GALNT3: variants seen among roughly 807,000 people sequenced by gnomAD.
GALNT3 encodes the protein polypeptide N-acetylgalactosaminyltransferase 3.
Under a neutral mutation model 69.8 loss-of-function variants are expected in GALNT3, and 51 were observed. The ratio of observed to expected loss-of-function variants is 0.73; its 90% CI spans 0.58 to 0.92. GALNT3 has a LOEUF of 0.92. Among genes scored for constraint, GALNT3 ranks in the 40% least tolerant of loss-of-function variants. The pLI, the probability that GALNT3 is intolerant of heterozygous loss-of-function variation, is 0.00. For missense variants in GALNT3, 711 were observed against 760.0 expected (o/e 0.94, Z 0.76); for synonymous variants, 265 against 248.5 (o/e 1.07, Z -0.63).
chr2:165,788,934 C>G (rs556836634), intron 1 of GALNT3, among the ~76,000 whole-genome samples: 1 of 152,128 alleles, frequency 6.6e-6, no homozygotes, highest in African/African-American at 2.4e-5. Flanking sequence ...AAAGATCATC[C>G]TCATCCTCCA....
chr2:165,779,675 T>A (rs2105224181), intron 1 of GALNT3, among the ~76,000 whole-genome samples: 1 of 152,200 alleles, frequency 6.6e-6, no homozygotes, highest in South Asian at 2.1e-4. Flanking sequence ...AGAAGAAAAT[T>A]GTTAACATAT....
rs1450295598 is a variant in GALNT3 at position 165,762,018 on chromosome 2, T to C, written c.725A>G (p.Gln242Arg). Residue 242 changes from glutamine to arginine, a missense_variant, in exon 4 of 11, where the codon CAA becomes CGA. Physicochemically the swap from Gln to Arg is conservative, Grantham distance 43. Coordinates refer to ENST00000392701, the MANE Select transcript of GALNT3 (RefSeq NM_004482.4). ...TCTGACTATTTTTACTATAGAAAAT[T>C]GTTTTACATATTCATCTAGTTTATC... The part of the protein sequence containing the change: ...LHDKLDEYVK[Q>R]FSIVKIVRQR... The C allele has an allele frequency of 1.3e-6, 2 of 1,594,638 alleles. No homozygotes were observed. Among genetic ancestry groups the C allele is most frequent in the Non-Finnish European group, 1.7e-6 (2 of 1,162,464 alleles).
chr2:165,785,790 G>T (rs553000993), intron 1 of GALNT3, among the ~76,000 whole-genome samples: 1 of 152,102 alleles, frequency 6.6e-6, no homozygotes, highest in African/African-American at 2.4e-5. Flanking sequence ...GCAACAGTCC[G>T]AACAGGGGCA....
chr2:165,786,817 G>C (rs1423542517), intron 1 of GALNT3, among the ~76,000 whole-genome samples: 1 of 152,142 alleles, frequency 6.6e-6, no homozygotes, highest in Non-Finnish European at 1.5e-5. Flanking sequence ...TTAAAATAGG[G>C]AGGAAAATAG....
chr2:165,762,020 T>C lies in GALNT3; in HGVS notation c.723A>G (p.Lys241=), dbSNP rs760149522. The part of the protein sequence containing the change: ...YLHDKLDEYV[K]QFSIVKIVRQ... ...TGACTATTTTTACTATAGAAAATTG[T>C]TTTACATATTCATCTAGTTTATCAT... The change falls in exon 4 of 11, where the codon AAA becomes AAG. Residue 241 remains lysine (K), a synonymous_variant. Coordinates refer to ENST00000392701, the MANE Select transcript of GALNT3 (RefSeq NM_004482.4). 2 of 1,591,884 alleles carry C rather than the reference T, an allele frequency of 1.3e-6. No homozygotes were observed. Among genetic ancestry groups the C allele is most frequent in the Middle Eastern group, 1.7e-4 (1 of 5,980 alleles).
At chr2:165,775,223 C>T (rs1034668156) in intron 1 of GALNT3, among the ~76,000 whole-genome samples, 3 of 151,778 alleles carry the variant, frequency 2.0e-5, no homozygotes, top group Non-Finnish European at 4.4e-5. Flanking sequence ...GTTTAAGAGT[C>T]AAGAACTGAT....
At chr2:165,768,224 C>CA (rs1688682746) in intron 2 of GALNT3, among the ~76,000 whole-genome samples, 2 of 152,052 alleles carry the variant, frequency 1.3e-5, no homozygotes, top group African/African-American at 2.4e-5. Context: ...TCACTCCAAC[C>CA]AAAAAATGTT....
At chr2:165,778,881 G>A (rs933602854) in intron 1 of GALNT3, among the ~76,000 whole-genome samples, 5 of 151,754 alleles carry the variant, frequency 3.3e-5, no homozygotes, top group Non-Finnish European at 5.9e-5. Flanking sequence ...CTGGCTGCCT[G>A]GGACAAAGGT....
chr2:165,770,106 A>C, intron 2 of GALNT3, 80 bp downstream of exon 2: 1 of 1,527,498 alleles, frequency 6.5e-7, no homozygotes, highest in Non-Finnish European at 9.0e-7. Context: ...GCTAAAAAAC[A>C]GATAACTTCC....
intron 2 of GALNT3, among the ~76,000 whole-genome samples, chr2:165,767,109 C>T (rs1198132427): frequency 4.3e-4 from 65 of 152,022 alleles, no homozygotes; most frequent in Admixed American, 4.2e-3. Flanking sequence ...AATAAAAAAG[C>T]TCAAACACAA....
In GALNT3 at chr2:165,757,075, T is replaced by G. The variant is rs770992382; in HGVS notation, c.1364A>C (p.Asn455Thr). ...TTTAACAATTTTTGCTGCATCTGTA[T>G]TTCTCCTATAAAATATTTCCTTGTA... ...DEYKEIFYRR[N>T]TDAAKIVKQK... Residue 455 changes from asparagine (N) to threonine (T), a missense_variant, in exon 7 of 11, where the codon AAT becomes ACT. Physicochemically the swap from Asn to Thr is moderately conservative, Grantham distance 65. Coordinates refer to ENST00000392701, the MANE Select transcript of GALNT3 (RefSeq NM_004482.4). 1 of 1,613,956 alleles carries G rather than the reference T, an allele frequency of 6.2e-7. No homozygotes were observed. Among genetic ancestry groups the G allele is most frequent in the South Asian group, 1.1e-5 (1 of 91,078 alleles).
At position 165,757,266 on chromosome 2, in the gene GALNT3, T is replaced by A; in HGVS notation, c.1192-19A>T. Reference sequence around the variant, plus strand: ...GCCATACCTGATAATTAATGATATTTGTTTAAATTTACAGTATTTTAGAAA... The same window carrying A: ...GCCATACCTGATAATTAATGATATTAGTTTAAATTTACAGTATTTTAGAAA... On this transcript the variant is annotated intron_variant, in intron 6 of 10. Coordinates refer to ENST00000392701, the MANE Select transcript of GALNT3 (RefSeq NM_004482.4). The A allele has an allele frequency of 6.2e-7, 1 of 1,609,204 alleles. No homozygotes were observed. The highest frequency in any genetic ancestry group is 1.1e-5 in the South Asian group (1 of 90,956).
chr2:165,779,424 T>C (rs1309791474), intron 1 of GALNT3, among the ~76,000 whole-genome samples: 1 of 152,208 alleles, frequency 6.6e-6, no homozygotes, highest in African/African-American at 2.4e-5. Flanking sequence ...CTGAAACTCC[T>C]GTACAATAAC....
intron 1 of GALNT3, among the ~76,000 whole-genome samples, chr2:165,788,121 G>T (rs1436004112): frequency 6.6e-6 from 1 of 152,032 alleles, no homozygotes; most frequent in African/African-American, 2.4e-5. Context: ...AAGGTCAGGA[G>T]ATCAAGACCA....
chr2:165,789,114 T>A (rs1174394708), intron 1 of GALNT3, among the ~76,000 whole-genome samples: 1 of 152,218 alleles, frequency 6.6e-6, no homozygotes, highest in Non-Finnish European at 1.5e-5. Context: ...TTCTAATGGT[T>A]GTTGTCTTAG....
At position 165,770,398 on chromosome 2, in the gene GALNT3, A is replaced by T; in HGVS notation, c.303T>A (p.Tyr101Ter). ...CAGGCTTCAATTCTGCTGCTGTATA[A>T]TATCCTTGCAAACAAGGTCTCTCAC... ...DAGERPCLQG[Y>*]YTAAELKPVL... Residue 101 changes from tyrosine to a stop codon, truncating the protein, a stop_gained, in exon 2 of 11, where the codon TAT becomes TAA. Coordinates refer to ENST00000392701, the MANE Select transcript of GALNT3 (RefSeq NM_004482.4). LOFTEE classifies it high-confidence loss of function. The T allele has an allele frequency of 6.2e-7, 1 of 1,614,180 alleles. No individual in the cohort carries two copies. Among genetic ancestry groups the T allele is most frequent in the East Asian group, 2.2e-5 (1 of 44,886 alleles).
At chr2:165,767,375 A>G (rs1045417894) in intron 2 of GALNT3, among the ~76,000 whole-genome samples, 1 of 152,096 alleles carries the variant, frequency 6.6e-6, no homozygotes, top group Non-Finnish European at 1.5e-5. Flanking sequence ...TGGTTAATTA[A>G]TATAGTATTA....
At chr2:165,759,169 A>C (rs1284035287) in intron 5 of GALNT3, among the ~76,000 whole-genome samples, 167 bp downstream of exon 5, 1 of 152,220 alleles carries the variant, frequency 6.6e-6, no homozygotes. Flanking sequence ...CAGCAACATC[A>C]TGTATAAGCA....
At chr2:165,751,887 C>T (rs1274272099) in intron 9 of GALNT3, among the ~76,000 whole-genome samples, 2 of 151,982 alleles carry the variant, frequency 1.3e-5, no homozygotes, top group Non-Finnish European at 2.9e-5. Context: ...ATTTGCAAAA[C>T]GGTTTAAGTG....
Sources: allele counts gnomAD v4.1 joint callset (sites outside exome capture counted in the v4.1 genomes callset), GRCh38; gene constraint gnomAD v4.1.1; transcripts MANE v1.5; gene names NCBI Gene and HGNC (gene_info 2026-07-23, HGNC 2026-07-21).